The following RNF2 variants were observed in gnomAD, a reference collection of about 807,000 sequenced individuals.
The protein encoded by RNF2 is E3 ubiquitin-protein ligase RING2.
Under a neutral mutation model 37.2 loss-of-function variants are expected in RNF2, and 6 were observed. That is an observed-to-expected ratio of 0.16 (90% CI 0.09 to 0.32). The LOEUF (loss-of-function observed/expected upper bound fraction) is 0.32, where lower values mean the gene tolerates loss of function less well. Among genes scored for constraint, RNF2 ranks in the 10% least tolerant of loss-of-function variants. The pLI, the probability that RNF2 is intolerant of heterozygous loss-of-function variation, is 1.00. For synonymous variants in RNF2, 133 were observed against 132.7 expected (o/e 1.00, Z -0.02); for missense variants, 251 against 404.0 (o/e 0.62, Z 3.25).
In RNF2 at chr1:185,101,092, CTG is replaced by C. The variant is rs1652064532; in HGVS notation, c.*793_*794del. ...AGTGCTTTTTTTTGTATTAGTTCTG[CTG>C]TCACTTCATTTCCTGTATTATATGT... On this transcript the variant is annotated 3_prime_UTR_variant, in exon 7 of 7. Coordinates refer to ENST00000367510, the MANE Select transcript of RNF2 (RefSeq NM_007212.4). The C allele has an allele frequency of 6.6e-6, 1 of 152,406 alleles. No individual in the cohort carries two copies. Among genetic ancestry groups the C allele is most frequent in the African/African-American group, 2.4e-5 (1 of 41,410 alleles). The allele number at this position is 152,406 out of a possible 1,614,324, so 9.4% of individuals were successfully genotyped here. A position where few individuals can be genotyped will look rare whatever the true frequency, so the allele number is the denominator to read the frequency against.
rs1190450163 is a variant in RNF2, at chr1:185,099,945, G to A, written c.892G>A (p.Ala298Thr). The change falls in exon 6 of 7, where the codon GCC becomes ACC. Residue 298 changes from alanine (A) to threonine (T), a missense_variant. Physicochemically the swap from Ala to Thr is moderately conservative, Grantham distance 58. Coordinates refer to ENST00000367510, the MANE Select transcript of RNF2 (RefSeq NM_007212.4). ...GCAGTATACCATTTATATAGCAACAGCCAGTGGCCAGTTCACTGTGAGTAT... is the reference window on the plus strand; with the variant it reads ...GCAGTATACCATTTATATAGCAACAACCAGTGGCCAGTTCACTGTGAGTAT... ...EKQYTIYIAT[A>T]SGQFTVLNGS... is the part of the protein sequence containing the mutation. 3 of 1,609,654 alleles carry A rather than the reference G, an allele frequency of 1.9e-6. No individual in the cohort carries two copies. The highest frequency in any genetic ancestry group is 2.6e-6 in the Non-Finnish European group (3 of 1,176,388).
intron 1 of RNF2, among the ~76,000 whole-genome samples, chr1:185,085,145 C>CTTTT (rs71555455): frequency 0.057 from 5,895 of 103,028 alleles, 312 homozygotes; most frequent in Admixed American, 0.077. Flanking sequence ...CTTTCTTTTT[C>CTTTT]TTTTTTTTTT....
rs939114712 is a variant in RNF2, at chr1:185,100,098, G to T, written c.910-102G>T. On this transcript the variant is annotated intron_variant, in intron 6 of 6. Coordinates refer to ENST00000367510, the MANE Select transcript of RNF2 (RefSeq NM_007212.4). The stretch of plus-strand genomic sequence containing the variant: ...TTAAGTGACAAGTAGTTATTCCTAA[G>T]ATTTGAAAAAAAAAGATTCTGTGGA... 3 of 1,213,222 alleles carry T rather than the reference G, an allele frequency of 2.5e-6. No individual in the cohort carries two copies. In the African/African-American group the frequency reaches 4.6e-5, roughly 19 times the overall value. 75.2% of individuals were successfully genotyped at this position (1,213,222 alleles called of 1,614,324 possible).
intron 1 of RNF2, among the ~76,000 whole-genome samples, chr1:185,069,933 G>C (rs1650917972): frequency 6.6e-6 from 1 of 152,124 alleles, no homozygotes; most frequent in Non-Finnish European, 1.5e-5. Context: ...GAGTAGTCTT[G>C]AATCAGCCAT....
At chr1:185,051,383 C>T (rs978909342) in intron 1 of RNF2, among the ~76,000 whole-genome samples, 8 of 151,980 alleles carry the variant, frequency 5.3e-5, no homozygotes, top group African/African-American at 1.9e-4. Flanking sequence ...GATTCTTGGC[C>T]TTTCTGAGTC....
At chr1:185,095,529 C>G (rs1057081726) in intron 4 of RNF2, among the ~76,000 whole-genome samples, 1 of 152,188 alleles carries the variant, frequency 6.6e-6, no homozygotes, top group Admixed American at 6.5e-5. Flanking sequence ...TAGCACGTAT[C>G]ACTCTCTCAT....
At chr1:185,080,199 C>CTCTGTGTATATGTTAGTA (rs1220776186) in intron 1 of RNF2, among the ~76,000 whole-genome samples, 5 of 152,162 alleles carry the variant, frequency 3.3e-5, no homozygotes, top group Non-Finnish European at 5.9e-5. Context: ...TCTTTGTCTA[C>CTCTGTGTATATGTTAGTA]TCTGTGTATA....
chr1:185,091,817 TC>T lies in RNF2; in HGVS notation c.248+79del, dbSNP rs2102200135. ...TTTCCAGGGTTTGAGAAATACATTTTCTTTTTTTTTTTTTTGAGACAGAGTT... is the reference window on the plus strand; with the variant it reads ...TTTCCAGGGTTTGAGAAATACATTTTTTTTTTTTTTTTTTGAGACAGAGTT... On this transcript the variant is annotated intron_variant, in intron 3 of 6. Transcript: ENST00000367510. 86 of 1,339,894 alleles carry T rather than the reference TC, an allele frequency of 6.4e-5. No individual in the cohort carries two copies. The Middle Eastern group carries it at 1.3e-3, about 21-fold the overall frequency. 83.0% of individuals were successfully genotyped at this position (1,339,894 alleles called of 1,614,324 possible).
intron 1 of RNF2, among the ~76,000 whole-genome samples, chr1:185,077,693 A>T (rs1156871694): frequency 7.5e-5 from 10 of 133,434 alleles, no homozygotes; most frequent in Admixed American, 2.3e-4. Context: ...TTGTACTTTC[A>T]TGAGCAAATC....
chr1:185,075,371 C>T (rs929883117), intron 1 of RNF2, among the ~76,000 whole-genome samples: 1 of 152,166 alleles, frequency 6.6e-6, no homozygotes, highest in Non-Finnish European at 1.5e-5. Context: ...TCAAGAAATA[C>T]ATTCCTTATG....
intron 1 of RNF2, among the ~76,000 whole-genome samples, chr1:185,059,510 C>T (rs547295012): frequency 6.6e-6 from 1 of 152,314 alleles, no homozygotes; most frequent in Non-Finnish European, 1.5e-5. Context: ...TATCTCTAAT[C>T]ACATTACAAG....
At position 185,091,568 on chromosome 1, in the gene RNF2, C is replaced by G. The variant is rs746600470; in HGVS notation, c.88-11C>G. 1 of 1,609,594 alleles carries G rather than the reference C, an allele frequency of 6.2e-7. No individual in the cohort carries two copies. The highest frequency in any genetic ancestry group is 8.5e-7 in the Non-Finnish European group (1 of 1,178,500). On this transcript the variant is annotated splice_polypyrimidine_tract_variant and intron_variant, in intron 2 of 6. Coordinates refer to ENST00000367510, the MANE Select transcript of RNF2 (RefSeq NM_007212.4). The stretch of plus-strand genomic sequence containing the variant: ...TAAGTAGCTTTTAATTTTAAAGTGA[C>G]TCTTTTACAGGAGGCAATAACAGAT...
At chr1:185,089,786 T>A (rs1331224658) in intron 2 of RNF2, among the ~76,000 whole-genome samples, 1 of 151,960 alleles carries the variant, frequency 6.6e-6, no homozygotes, top group Non-Finnish European at 1.5e-5. Context: ...TCCCAGCACT[T>A]TGGAAGGCCG....
chr1:185,099,051 C>CTT (rs1345375710), intron 5 of RNF2, among the ~76,000 whole-genome samples: 13 of 124,686 alleles, frequency 1.0e-4, no homozygotes, highest in Admixed American at 1.6e-4. Flanking sequence ...TGCCCGGCCT[C>CTT]TTTTTTTTTT....
At chr1:185,065,740 G>A (rs928526158) in intron 1 of RNF2, among the ~76,000 whole-genome samples, 3 of 152,200 alleles carry the variant, frequency 2.0e-5, no homozygotes, top group Non-Finnish European at 4.4e-5. Flanking sequence ...GTGAAGTTCT[G>A]CGGCTTCGTT....
intron 1 of RNF2, 114 bp from the exon 2 acceptor site, chr1:185,087,438 T>C (rs961586978): frequency 1.2e-6 from 1 of 814,652 alleles, no homozygotes; most frequent in African/African-American, 1.7e-5. Flanking sequence ...CCTCTTAATA[T>C]TACTTCATTG....
intron 1 of RNF2, among the ~76,000 whole-genome samples, chr1:185,046,856 C>CT (rs1263054617): frequency 1.3e-5 from 2 of 152,134 alleles, no homozygotes; most frequent in Non-Finnish European, 2.9e-5. Flanking sequence ...GGTAGCTAAT[C>CT]TATCTGTTTT....
intron 1 of RNF2, among the ~76,000 whole-genome samples, chr1:185,067,481 TAAAAG>T (rs1013046066): frequency 7.1e-4 from 108 of 152,228 alleles, no homozygotes; most frequent in African/African-American, 2.5e-3. Context: ...TAATATAACA[TAAAAG>T]GAAAAGAAAA....
At chr1:185,093,839 C>T (rs1005455251) in intron 4 of RNF2, among the ~76,000 whole-genome samples, 3 of 152,254 alleles carry the variant, frequency 2.0e-5, no homozygotes, top group African/African-American at 4.8e-5. Flanking sequence ...TGAAATATGG[C>T]GTGTCCCAGA....
Sources: gnomAD v4.1 joint callset for allele counts (sites outside exome capture counted in the v4.1 genomes callset) on GRCh38, gnomAD v4.1.1 for gene constraint, MANE v1.5 for transcripts, NCBI Gene and HGNC (gene_info 2026-07-23, HGNC 2026-07-21) for gene names.